DST: variants seen among roughly 807,000 people sequenced by gnomAD.
The protein encoded by DST is bullous pemphigoid antigen.
In DST, 253 loss-of-function variants were observed where a neutral mutation model predicts 875.2. The observed-to-expected ratio is 0.29, with a 90% confidence interval of 0.26 to 0.32. The LOEUF is 0.32. Among genes scored for constraint, DST ranks in the 10% least tolerant of loss-of-function variants. The pLI is 1.00. For missense variants in DST, 8,287 were observed against 9,111.6 expected (o/e 0.91, Z 3.68); for synonymous variants, 3,124 against 3,197.1 (o/e 0.98, Z 0.77).
chr6:56,931,131 A>C (rs2127762144), intron 2 of DST, among the ~76,000 whole-genome samples: 1 of 152,214 alleles, frequency 6.6e-6, no homozygotes, highest in African/African-American at 2.4e-5. Context: ...TTTTGATTGG[A>C]GTTGAGGGTA....
chr6:56,906,732 C>T (rs2127706756), intron 2 of DST, among the ~76,000 whole-genome samples: 1 of 152,172 alleles, frequency 6.6e-6, no homozygotes, highest in Non-Finnish European at 1.5e-5. Context: ...TTTTCTTTCT[C>T]TTTCTTTTGC....
intron 4 of DST, among the ~76,000 whole-genome samples, chr6:56,786,845 A>G (rs1458068033): frequency 6.6e-6 from 1 of 152,190 alleles, no homozygotes; most frequent in African/African-American, 2.4e-5. Context: ...ACCCAAGAAG[A>G]ACCTAGGAAG....
At chr6:56,555,256 G>A in intron 60 of DST, 89 bp downstream of exon 60, 1 of 1,389,938 alleles carries the variant, frequency 7.2e-7, no homozygotes, top group Non-Finnish European at 9.7e-7. Flanking sequence ...GTCTCTTTGG[G>A]GTCCTGGATT....
intron 10 of DST, among the ~76,000 whole-genome samples, chr6:56,665,236 G>A (rs947158203): frequency 6.6e-6 from 1 of 152,088 alleles, no homozygotes; most frequent in African/African-American, 2.4e-5. Flanking sequence ...AAACTCTAAG[G>A]CTAACTCTAA....
chr6:56,528,958 G>GA, intron 66 of DST, 33 bp from the exon 67 acceptor site: 9 of 1,369,012 alleles, frequency 6.6e-6, no homozygotes, highest in Non-Finnish European at 9.2e-6. Context: ...TATGTGGGGG[G>GA]AAAAACATTT....
intron 63 of DST, among the ~76,000 whole-genome samples, 166 bp from the exon 64 acceptor site, chr6:56,532,676 G>C (rs558178285): frequency 2.6e-5 from 4 of 152,268 alleles, no homozygotes; most frequent in African/African-American, 9.6e-5. Context: ...TTTGTTTAAT[G>C]ATTTATTACT....
intron 37 of DST, among the ~76,000 whole-genome samples, chr6:56,611,899 G>T (rs1178338947): frequency 2.6e-5 from 4 of 152,198 alleles, no homozygotes; most frequent in African/African-American, 9.6e-5. Context: ...TCCACCCGCA[G>T]GTGGGCACTC....
At chr6:56,859,740 G>A (rs1769988362) in intron 3 of DST, among the ~76,000 whole-genome samples, 1 of 152,176 alleles carries the variant, frequency 6.6e-6, no homozygotes, top group Non-Finnish European at 1.5e-5. Context: ...TGGGAGAGCA[G>A]AAGTGACAAA....
At chr6:56,523,998 A>T (rs2096751627) in intron 69 of DST, among the ~76,000 whole-genome samples, 1 of 152,126 alleles carries the variant, frequency 6.6e-6, no homozygotes, top group Non-Finnish European at 1.5e-5. Flanking sequence ...ATAGTCCAAA[A>T]TACGTGGCTA....
At position 56,677,246 on chromosome 6, in the gene DST, G is replaced by A. The variant is rs2099135562; in HGVS notation, c.1048-6439C>T. ...CCGCCACATAGAAAATTCTACAAAT[G>A]TTAGCTTCTCCCACCACTACTTATC... On this transcript the variant is annotated intron_variant, in intron 9 of 103. Transcript: ENST00000680361. 3.3e-5 allele frequency among the ~76,000 whole-genome samples: 5 copies of A among 152,060 alleles called. 1 individual carries two copies. The highest frequency in any genetic ancestry group is 3.3e-4 in the Admixed American group (5 of 15,264).
At chr6:56,766,145 A>G (rs1222931145) in intron 4 of DST, among the ~76,000 whole-genome samples, 8 of 152,370 alleles carry the variant, frequency 5.3e-5, no homozygotes, top group South Asian at 2.1e-4. Context: ...CATTTTGTAG[A>G]AAGCTTACAT....
chr6:56,643,007 G>T, intron 15 of DST: 1 of 1,148,914 alleles, frequency 8.7e-7, no homozygotes, highest in Non-Finnish European at 1.2e-6. Flanking sequence ...TCGTTTGCTA[G>T]CTGAGGTTTG....
At chr6:56,651,333 A>T in intron 10 of DST, 89 bp from the exon 11 acceptor site, 1 of 698,528 alleles carries the variant, frequency 1.4e-6, no homozygotes. Context: ...ACATAACAAC[A>T]TCTGCTAATA....
At chr6:56,861,637 T>C (rs1771217961) in intron 3 of DST, among the ~76,000 whole-genome samples, 1 of 152,206 alleles carries the variant, frequency 6.6e-6, no homozygotes, top group Non-Finnish European at 1.5e-5. Flanking sequence ...CTCTCTTTCC[T>C]GAGGTGATCT....
rs142991015 is a variant in DST at position 56,477,811 on chromosome 6, A to C, written c.21532-323T>G. Among the ~76,000 whole-genome samples the C allele has an allele frequency of 2.0e-4, 31 of 152,332 alleles. No individual in the cohort carries two copies. The East Asian group carries it at 5.6e-3, about 27-fold the overall frequency. On this transcript the variant is annotated intron_variant, in intron 90 of 103. Coordinates refer to ENST00000680361, the MANE Select transcript of DST (RefSeq NM_001374736.1). ...TAGTATTTGCATATGACCTAAGTAC[A>C]TCCTCCCCATATGCTTCATATCATC...
chr6:56,870,140 A>G lies in DST; in HGVS notation c.418-18536T>C, dbSNP rs1776311295. 2.0e-5 allele frequency among the ~76,000 whole-genome samples: 3 copies of G among 152,144 alleles called. No individual in the cohort carries two copies. The South Asian group carries it at 6.2e-4, about 32-fold the overall frequency. On this transcript the variant is annotated intron_variant, in intron 3 of 103. Transcript: ENST00000680361. The stretch of plus-strand genomic sequence containing the variant: ...AGGACTAGCTGGATTTCCTAGGCCA[A>G]CTAAGAATCCCTAAGCCTAGCTGGG...
At chr6:56,493,632 C>T (rs906134417) in intron 83 of DST, among the ~76,000 whole-genome samples, 6 of 151,926 alleles carry the variant, frequency 3.9e-5, no homozygotes, top group African/African-American at 1.4e-4. Flanking sequence ...AAAGAATATA[C>T]ACAATCATCT....
rs759441837 is a variant in DST at position 56,509,592 on chromosome 6, T to C, written c.19012+50A>G. On this transcript the variant is annotated intron_variant, in intron 74 of 103. Transcript: ENST00000680361. ...CCAATTGGACGGTGAGTAAACCGCA[T>C]AAACATTTAGAATGCTTTAAAATTT... is the stretch of plus-strand genomic sequence containing the variant. The C allele has an allele frequency of 2.4e-5, 34 of 1,422,124 alleles. No individual in the cohort carries two copies. In the African/African-American group the frequency reaches 4.4e-4, roughly 18 times the overall value. The allele number at this position is 1,422,124 out of a possible 1,614,324, so 88.1% of individuals were successfully genotyped here. A position where few individuals can be genotyped will look rare whatever the true frequency, so the allele number is the denominator to read the frequency against.
At position 56,482,098 on chromosome 6, in the gene DST, G is replaced by A; in HGVS notation, c.21483C>T (p.Val7161=). ...GGAGAGCATCCTCATCATCTGGGAG[G>A]ACACCATGGAAACGCAGGGTTTGCT... ...EAEQTLRFHG[V]LPDDEDALRT... The change falls in exon 90 of 104, where the codon GTC becomes GTT. Residue 7161 remains valine (V), a synonymous_variant. Transcript: ENST00000680361. 1.2e-6 allele frequency: 2 copies of A among 1,613,434 alleles called. No homozygotes were observed. The highest frequency in any genetic ancestry group is 1.7e-6 in the Non-Finnish European group (2 of 1,179,744).
Sources: allele counts gnomAD v4.1 joint callset (sites outside exome capture counted in the v4.1 genomes callset), GRCh38; gene constraint gnomAD v4.1.1; transcripts MANE v1.5; gene names NCBI Gene and HGNC (gene_info 2026-07-23, HGNC 2026-07-21).